The following CSNK1G2 variants were observed in gnomAD, a reference collection of about 807,000 sequenced individuals.
CSNK1G2 encodes the protein casein kinase I isoform gamma-2.
CSNK1G2 carries 11 observed loss-of-function variants against 48.0 expected under a neutral mutation model. The ratio of observed to expected loss-of-function variants is 0.23; its 90% confidence interval spans 0.14 to 0.38. CSNK1G2 has a LOEUF of 0.38. Ranked by LOEUF, CSNK1G2 falls within the 10% of genes least tolerant of loss-of-function variation. The pLI is 1.00. For missense variants in CSNK1G2, 446 were observed against 595.5 expected, an observed-to-expected ratio of 0.75 and a Z score of 2.61; for synonymous variants, 337 against 254.1, an observed-to-expected ratio of 1.33 and a Z score of -3.10.
intron 1 of CSNK1G2, among the ~76,000 whole-genome samples, chr19:1,951,844 C>CAAAAAAA (rs2014775183): frequency 1.3e-5 from 2 of 151,616 alleles, no homozygotes; most frequent in Admixed American, 6.6e-5. Context: ...CCACAGCTGG[C>CAAAAAAA]TAATTTTTTG....
intron 1 of CSNK1G2, among the ~76,000 whole-genome samples, chr19:1,963,414 G>T (rs1036715141): frequency 2.0e-5 from 3 of 150,848 alleles, no homozygotes; most frequent in Non-Finnish European, 4.4e-5. Flanking sequence ...GGGTTTCACC[G>T]TGTCAGCCAG....
Position 1,978,049 on chromosome 19 carries a change from T to TG in CSNK1G2, c.188-249dup, listed in dbSNP as rs558527397. ...CCGCTTCTGTCCTGGGCTAGGGAGG[T>TG]GGGGGGGCGGGGGAGGAGGAGTGGC... On this transcript the variant is annotated intron_variant, in intron 2 of 11. Coordinates refer to ENST00000255641, the MANE Select transcript of CSNK1G2 (RefSeq NM_001319.7). The surrounding 1 kb of genome is among the most constrained non-coding windows in gnomAD (Gnocchi z 7.3). Among the ~76,000 whole-genome samples the TG allele has an allele frequency of 3.1e-3, 368 of 118,740 alleles. 4 individuals carry two copies. Among genetic ancestry groups the TG allele is most frequent in the African/African-American group, 7.2e-3 (228 of 31,656 alleles). The allele number at this position is 118,740 out of a possible 152,430, so 77.9% of individuals were successfully genotyped here.
intron 1 of CSNK1G2, among the ~76,000 whole-genome samples, chr19:1,960,911 C>T (rs575410259): frequency 1.2e-4 from 19 of 152,290 alleles, no homozygotes; most frequent in African/African-American, 3.6e-4. Context: ...AATGCAGGCA[C>T]GGACGTTTCA....
intron 1 of CSNK1G2, among the ~76,000 whole-genome samples, chr19:1,964,798 T>TCA (rs2015312577): frequency 6.6e-6 from 1 of 151,682 alleles, no homozygotes; most frequent in Non-Finnish European, 1.5e-5. Flanking sequence ...CCATCTCGGT[T>TCA]CACTGCAAGC....
rs1485503711 is a variant in CSNK1G2, at chr19:1,950,475, G to GCAGT, written c.-266+9058_-266+9061dup. Among the ~76,000 whole-genome samples, 17 of 147,162 alleles carry GCAGT rather than the reference G, an allele frequency of 1.2e-4. 5 individuals carry two copies. The highest frequency in any genetic ancestry group is 4.4e-4 in the African/African-American group (17 of 38,774). ...TTTTTAAGTAGCAAAAGAGAACTCAGCAGTGTTGGAGAACTTGAACATTAC... is the reference window on the plus strand; with the variant it reads ...TTTTTAAGTAGCAAAAGAGAACTCAGCAGTCAGTGTTGGAGAACTTGAACATTAC... On this transcript the variant is annotated intron_variant, in intron 1 of 11. Coordinates refer to ENST00000255641, the MANE Select transcript of CSNK1G2 (RefSeq NM_001319.7).
At chr19:1,943,549 G>A (rs1427570939) in intron 1 of CSNK1G2, among the ~76,000 whole-genome samples, 2 of 152,130 alleles carry the variant, frequency 1.3e-5, no homozygotes, top group Non-Finnish European at 2.9e-5. Flanking sequence ...CCAAGCTTAG[G>A]GGAAGCCAGT....
chr19:1,976,600 C>T (rs751496430), intron 2 of CSNK1G2, among the ~76,000 whole-genome samples: 5 of 152,222 alleles, frequency 3.3e-5, no homozygotes, highest in Non-Finnish European at 7.3e-5. Context: ...ACTATGAGGT[C>T]ATGACTGTGT....
chr19:1,958,553 G>T (rs1197715509), intron 1 of CSNK1G2, among the ~76,000 whole-genome samples: 1 of 117,678 alleles, frequency 8.5e-6, no homozygotes, highest in Non-Finnish European at 1.8e-5. Flanking sequence ...CCCCGTCCAG[G>T]GCTGCAGCAG....
Position 1,976,186 on chromosome 19 carries a change from T to A in CSNK1G2, c.188-2119T>A, listed in dbSNP as rs2015747825. ...GGCTCCTGTTGTTTTACGAGGAGAATTTCCTAATAACGTGTTACACTGGGG... is the reference window on the plus strand; with the variant it reads ...GGCTCCTGTTGTTTTACGAGGAGAAATTCCTAATAACGTGTTACACTGGGG... On this transcript the variant is annotated intron_variant, in intron 2 of 11. Coordinates refer to ENST00000255641, the MANE Select transcript of CSNK1G2 (RefSeq NM_001319.7). 3 of 1,045,602 alleles carry A rather than the reference T, an allele frequency of 2.9e-6. No homozygotes were observed. The African/African-American group carries it at 5.0e-5, about 17-fold the overall frequency. 64.8% of individuals were successfully genotyped at this position (1,045,602 alleles called of 1,614,324 possible). A position where few individuals can be genotyped will look rare whatever the true frequency, so the allele number is the denominator to read the frequency against.
In CSNK1G2 at chr19:1,978,130, G is replaced by T. The variant is rs901129920; in HGVS notation, c.188-175G>T. On this transcript the variant is annotated intron_variant, in intron 2 of 11. Coordinates refer to ENST00000255641, the MANE Select transcript of CSNK1G2 (RefSeq NM_001319.7). The surrounding 1 kb of genome is among the most constrained non-coding windows in gnomAD (Gnocchi z 7.3). ...GTGCAGGTGTCGGGATGACTTGGCA[G>T]GCCATGGTGCAGTGCTCTGGCAGGC... Among the ~76,000 whole-genome samples the T allele has an allele frequency of 6.6e-6, 1 of 152,106 alleles. No individual in the cohort carries two copies. Among genetic ancestry groups the T allele is most frequent in the African/African-American group, 2.4e-5 (1 of 41,428 alleles).
intron 1 of CSNK1G2, among the ~76,000 whole-genome samples, chr19:1,958,166 G>A (rs1390479813): frequency 1.3e-5 from 2 of 151,840 alleles, no homozygotes; most frequent in Non-Finnish European, 2.9e-5. Flanking sequence ...GCTCTGCCTG[G>A]AATTGAGGGG....
Position 1,980,196 on chromosome 19 carries a change from A to C in CSNK1G2, c.1241A>C (p.His414Pro). ...KRRKRKSLQR[H>P]K Reference sequence around the variant, plus strand: ...AGAAAGAGAAAATCGCTGCAGCGACACAAGTGACCCTGGGCGCGTGCAGCC... The same window carrying C: ...AGAAAGAGAAAATCGCTGCAGCGACCCAAGTGACCCTGGGCGCGTGCAGCC... The change falls in exon 12 of 12, where the codon CAC (histidine) becomes CCC (proline). Residue 414 changes from histidine (H) to proline (P), a missense_variant. Transcript: ENST00000255641. The C allele has an allele frequency of 6.2e-7, 1 of 1,612,884 alleles. No homozygotes were observed. The highest frequency in any genetic ancestry group is 2.2e-5 in the East Asian group (1 of 44,850).
chr19:1,975,161 T>C (rs1352010330), intron 2 of CSNK1G2: 1 of 985,390 alleles, frequency 1.0e-6, no homozygotes, highest in South Asian at 4.7e-5. Flanking sequence ...GCATCAGAGC[T>C]TCAAAGGCCC....
intron 1 of CSNK1G2, among the ~76,000 whole-genome samples, chr19:1,948,190 C>T (rs548842408): frequency 6.6e-6 from 1 of 152,318 alleles, no homozygotes; most frequent in South Asian, 2.1e-4. Context: ...CTCTCATCCC[C>T]AGGGTGCTGG....
At chr19:1,960,675 G>A (rs539599402) in intron 1 of CSNK1G2, among the ~76,000 whole-genome samples, 1 of 152,316 alleles carries the variant, frequency 6.6e-6, no homozygotes, top group Non-Finnish European at 1.5e-5. Flanking sequence ...ATCACTTGAA[G>A]TCGGGAGTTT....
intron 10 of CSNK1G2, 30 bp downstream of exon 10, chr19:1,979,865 G>T (rs1477821565): frequency 6.2e-7 from 1 of 1,603,812 alleles, no homozygotes; most frequent in South Asian, 1.1e-5. Context: ...GACCGCCCCA[G>T]GGAGGGGCAT....
chr19:1,978,867 C>T lies in CSNK1G2; in HGVS notation c.456C>T (p.Arg152=). Reference sequence around the variant, plus strand: ...GCCGTGCCCCCCTGCAGATCACGCGCATGGAGTATGTGCACACCAAGAGCC... The same window carrying T: ...GCCGTGCCCCCCTGCAGATCACGCGTATGGAGTATGTGCACACCAAGAGCC... The part of the protein sequence containing the change: ...VLMIAIQLIT[R]MEYVHTKSLI... Residue 152 remains arginine (R), a synonymous_variant, in exon 6 of 12, where the codon CGC becomes CGT. Transcript: ENST00000255641. The surrounding 1 kb of genome is among the most constrained non-coding windows in gnomAD (Gnocchi z 7.3). 3 of 1,602,374 alleles carry T rather than the reference C, an allele frequency of 1.9e-6. No individual in the cohort carries two copies. Among genetic ancestry groups the T allele is most frequent in the South Asian group, 1.1e-5 (1 of 91,034 alleles).
rs2015039151 is a variant in CSNK1G2, at chr19:1,957,517, G to A, written c.-265-11991G>A. On this transcript the variant is annotated intron_variant, in intron 1 of 11. Coordinates refer to ENST00000255641, the MANE Select transcript of CSNK1G2 (RefSeq NM_001319.7). This position sits in a 1 kb window ranked among gnomAD's most constrained non-coding sequence, Gnocchi z 5.4. ...CTGTTAGGAGGGACAGTGAGCGCAG[G>A]CACCTCTCTCTCCACTTCATGTTTG... Among the ~76,000 whole-genome samples, 1 of 152,226 alleles carries A rather than the reference G, an allele frequency of 6.6e-6. No homozygotes were observed. Among genetic ancestry groups the A allele is most frequent in the Admixed American group, 6.5e-5 (1 of 15,282 alleles).
chr19:1,965,212 T>C (rs1191986602), intron 1 of CSNK1G2, among the ~76,000 whole-genome samples: 4 of 148,886 alleles, frequency 2.7e-5, no homozygotes, highest in Non-Finnish European at 6.0e-5. Context: ...TGAAACCGCG[T>C]CTCTACTAAA....
Sources: allele counts gnomAD v4.1 joint callset (sites outside exome capture counted in the v4.1 genomes callset), GRCh38; gene constraint gnomAD v4.1.1; non-coding constraint Gnocchi (gnomAD v3.1); transcripts MANE v1.5; gene names NCBI Gene and HGNC (gene_info 2026-07-23, HGNC 2026-07-21).